The following PRRC2B variants were observed in gnomAD, a reference collection of about 807,000 sequenced individuals.
The protein encoded by PRRC2B is proline rich coiled-coil 2B.
A neutral mutation model predicts 242.3 loss-of-function variants in PRRC2B; 68 were observed. That is an observed-to-expected ratio of 0.28 (90% confidence interval 0.23 to 0.34). The LOEUF is 0.34. Ranked by LOEUF, PRRC2B falls within the 10% of genes least tolerant of loss-of-function variation. The pLI is 1.00. For synonymous variants in PRRC2B, 1,228 were observed against 1,173.6 expected (o/e 1.05, Z -0.95); for missense variants, 2,835 against 2,954.8 (o/e 0.96, Z 0.94).
intron 28 of PRRC2B, among the ~76,000 whole-genome samples, chr9:131,488,778 C>T (rs996767716): frequency 2.0e-5 from 3 of 152,196 alleles, no homozygotes; most frequent in African/African-American, 7.2e-5. Context: ...ATAGACTGTG[C>T]CTGACAAGCC....
chr9:131,384,345 C>T (rs760215159), intron 1 of PRRC2B, among the ~76,000 whole-genome samples: 6 of 151,672 alleles, frequency 4.0e-5, no homozygotes, highest in Non-Finnish European at 5.9e-5. Flanking sequence ...TGTGGTGGCA[C>T]GATCTTGGCT....
At chr9:131,409,771 C>T (rs1194145618) in intron 1 of PRRC2B, among the ~76,000 whole-genome samples, 1 of 152,164 alleles carries the variant, frequency 6.6e-6, no homozygotes, top group South Asian at 2.1e-4. Flanking sequence ...CTAGTTCAAT[C>T]GTCTGTCTCT....
chr9:131,460,322 C>G (rs539522732), intron 11 of PRRC2B, among the ~76,000 whole-genome samples: 1 of 152,196 alleles, frequency 6.6e-6, no homozygotes. Flanking sequence ...TCAGCCTTTC[C>G]TTCACTTTCA....
chr9:131,464,167 C>A (rs1943325379), intron 11 of PRRC2B, among the ~76,000 whole-genome samples: 1 of 152,180 alleles, frequency 6.6e-6, no homozygotes, highest in Non-Finnish European at 1.5e-5. Flanking sequence ...GTCTCGAACT[C>A]CTGACCTCAG....
intron 1 of PRRC2B, among the ~76,000 whole-genome samples, chr9:131,378,516 C>G (rs566423187): frequency 6.6e-6 from 1 of 152,168 alleles, no homozygotes; most frequent in East Asian, 1.9e-4. Context: ...CAGGTCAGGT[C>G]CCCACCTGCA....
intron 5 of PRRC2B, among the ~76,000 whole-genome samples, chr9:131,442,718 G>A (rs1838639556): frequency 1.3e-5 from 2 of 152,194 alleles, no homozygotes; most frequent in African/African-American, 4.8e-5. Context: ...GCATTCCACA[G>A]GGGGCCATTT....
At chr9:131,481,592 TG>T in intron 19 of PRRC2B, 133 bp from the exon 20 acceptor site, 1 of 693,826 alleles carries the variant, frequency 1.4e-6, no homozygotes, top group African/African-American at 1.8e-5. Context: ...GGTAGGGGGC[TG>T]GGGTGGCGGG....
chr9:131,420,453 T>TTTTCTTTCTTTCTTTC lies in PRRC2B; in HGVS notation c.-51-9613_-51-9598dup, dbSNP rs148112779. Among the ~76,000 whole-genome samples, 361 of 60,998 alleles carry TTTTCTTTCTTTCTTTC rather than the reference T, an allele frequency of 5.9e-3. 10 individuals are homozygous for TTTTCTTTCTTTCTTTC. The highest frequency in any genetic ancestry group is 0.02 in the Middle Eastern group (2 of 98). 40.0% of individuals were successfully genotyped at this position (60,998 alleles called of 152,430 possible). ...TTTTCTTTTTTCTTTTTCTTTTTCT[T>TTTTCTTTCTTTCTTTC]TTTCTTTCTTTCTTTCTTTCTTTCT... is the stretch of plus-strand genomic sequence containing the variant. On this transcript the variant is annotated intron_variant, in intron 1 of 31. Transcript: ENST00000683519.
upstream of PRRC2B, among the ~76,000 whole-genome samples, chr9:131,389,791 A>G (rs1836873820): frequency 2.0e-5 from 3 of 149,610 alleles, no homozygotes; most frequent in African/African-American, 7.3e-5. Flanking sequence ...CTGCTTGGGG[A>G]TCCCAGCTGG....
At chr9:131,477,708 C>G (rs1943743803) in intron 16 of PRRC2B, 36 bp from the exon 17 acceptor site, 1 of 1,375,086 alleles carries the variant, frequency 7.3e-7, no homozygotes, top group South Asian at 1.2e-5. Flanking sequence ...CCCTCCTTCC[C>G]CAGCTCTGGT....
In PRRC2B at chr9:131,475,743, T is replaced by G. The variant is rs1943674384; in HGVS notation, c.3614T>G (p.Leu1205Arg). Residue 1205 changes from leucine (L) to arginine (R), a missense_variant, in exon 16 of 32, where the codon CTC (leucine) becomes CGC (arginine). Around this residue, in one of 7 missense-constraint regions of PRRC2B, gnomAD observed 1,536 missense variants for 1,483.1 expected, o/e 1.04. Transcript: ENST00000683519. The stretch of plus-strand genomic sequence containing the variant: ...GGCCCTCGGGCCTTTGGGCGAGCCC[T>G]CCCTCCCCGGCTGAGCAATTGCGGG... ...SRGPRAFGRA[L>R]PPRLSNCGYG... 3 of 1,613,186 alleles carry G rather than the reference T, an allele frequency of 1.9e-6. No individual in the cohort carries two copies. Among genetic ancestry groups the G allele is most frequent in the African/African-American group, 1.3e-5 (1 of 74,894 alleles).
At position 131,499,061 on chromosome 9, in the gene PRRC2B, A is replaced by G. The variant is rs1944402343; in HGVS notation, c.*3187A>G. 6.6e-6 allele frequency: 1 copy of G among 152,268 alleles called. No homozygotes were observed. The highest frequency in any genetic ancestry group is 2.4e-5 in the African/African-American group (1 of 41,472). The allele number at this position is 152,268 out of a possible 1,614,324, so 9.4% of individuals were successfully genotyped here. Reference sequence around the variant, plus strand: ...TAGGTTCCTTAAGGGGGAAAACAAAAGATGACTTTATTTCACATTCAAGAA... The same window carrying G: ...TAGGTTCCTTAAGGGGGAAAACAAAGGATGACTTTATTTCACATTCAAGAA... On this transcript the variant is annotated 3_prime_UTR_variant, in exon 32 of 32. Coordinates refer to ENST00000683519, the MANE Select transcript of PRRC2B (RefSeq NM_013318.4).
intron 31 of PRRC2B, 26 bp from the exon 32 acceptor site, chr9:131,495,714 T>C (rs1944315608): frequency 6.3e-7 from 1 of 1,590,092 alleles, no homozygotes; most frequent in Non-Finnish European, 8.6e-7. Context: ...AGGGTCACTT[T>C]GTTTTTCCCA....
At chr9:131,447,349 G>A (rs1409526726) in intron 8 of PRRC2B, 143 bp downstream of exon 8, 5 of 1,052,156 alleles carry the variant, frequency 4.8e-6, no homozygotes, top group African/African-American at 1.6e-5. Context: ...GGGTGTGTGG[G>A]GTGGTGGCTG....
At chr9:131,429,865 T>C (rs1194637648) in intron 1 of PRRC2B, among the ~76,000 whole-genome samples, 1 of 152,004 alleles carries the variant, frequency 6.6e-6, no homozygotes, top group Non-Finnish European at 1.5e-5. Flanking sequence ...GGGGGGGTAC[T>C]CCACAGATCG....
At chr9:131,452,777 ACAGC>A (rs1027796645) in intron 9 of PRRC2B, among the ~76,000 whole-genome samples, 1 of 152,226 alleles carries the variant, frequency 6.6e-6, no homozygotes. Context: ...TAGTTGTCTT[ACAGC>A]CAGAGAGCAC....
chr9:131,381,625 T>C (rs1836761229), intron 1 of PRRC2B, among the ~76,000 whole-genome samples: 1 of 152,038 alleles, frequency 6.6e-6, no homozygotes. Flanking sequence ...TTCACCGTGT[T>C]AGCCAGGATG....
At chr9:131,491,855 T>TTA (rs1374409853) in intron 29 of PRRC2B, among the ~76,000 whole-genome samples, 1 of 152,194 alleles carries the variant, frequency 6.6e-6, no homozygotes, top group Non-Finnish European at 1.5e-5. Context: ...CCACTTCACT[T>TTA]TAAAAAGAAC....
At chr9:131,422,807 A>G (rs1012920284) in intron 1 of PRRC2B, among the ~76,000 whole-genome samples, 1 of 152,128 alleles carries the variant, frequency 6.6e-6, no homozygotes, top group Admixed American at 6.5e-5. Context: ...GCACTTCTTT[A>G]GATTATGTGC....
Sources: gnomAD v4.1 joint callset for allele counts (sites outside exome capture counted in the v4.1 genomes callset) on GRCh38, gnomAD v4.1.1 for gene constraint, gnomAD v4.1.1 regional missense constraint, MANE v1.5 for transcripts, NCBI Gene and HGNC (gene_info 2026-07-23, HGNC 2026-07-21) for gene names.